The following PLPBP variants were observed in gnomAD, a reference collection of about 807,000 sequenced individuals.
PLPBP encodes the protein pyridoxal phosphate homeostasis protein.
Under a neutral mutation model 31.2 loss-of-function variants are expected in PLPBP, and 21 were observed. That is an observed-to-expected ratio of 0.67 (90% CI 0.48 to 0.97). The LOEUF is 0.97. Ranked by LOEUF, PLPBP falls within the 50% of genes least tolerant of loss-of-function variation. The probability of loss-of-function intolerance (pLI) is 0.00; values close to 1 mark genes in which losing one functional copy is unlikely to be tolerated. For missense variants in PLPBP, 308 were observed against 354.4 expected (o/e 0.87, Z 1.05); for synonymous variants, 124 against 135.6 (o/e 0.91, Z 0.59).
At chr8:37,762,822 G>A (rs1028895733) in intron 1 of PLPBP, 64 bp downstream of exon 1, 7 of 1,513,228 alleles carry the variant, frequency 4.6e-6, no homozygotes, top group African/African-American at 1.4e-5. Flanking sequence ...ACCTGCGTGG[G>A]AATGGGTCGT....
intron 7 of PLPBP, among the ~76,000 whole-genome samples, chr8:37,776,496 A>C (rs1278026470): frequency 4.0e-5 from 6 of 150,670 alleles, no homozygotes; most frequent in East Asian, 3.9e-4. Context: ...AAAAAAAAAA[A>C]AAAAAAACAA....
At chr8:37,773,658 G>T (rs554245675) in intron 5 of PLPBP, among the ~76,000 whole-genome samples, 1 of 151,452 alleles carries the variant, frequency 6.6e-6, no homozygotes, top group African/African-American at 2.4e-5. Flanking sequence ...TAGTAGAGAC[G>T]GAGTTTCGCC....
At chr8:37,773,617 C>A (rs558386646) in intron 5 of PLPBP, among the ~76,000 whole-genome samples, 1 of 152,002 alleles carries the variant, frequency 6.6e-6, no homozygotes, top group African/African-American at 2.4e-5. Context: ...TACAGGCACG[C>A]GCTACCACGC....
intron 4 of PLPBP, 150 bp downstream of exon 4, chr8:37,766,505 A>G: frequency 9.2e-6 from 12 of 1,308,038 alleles, no homozygotes; most frequent in Non-Finnish European, 1.2e-5. Flanking sequence ...CTTAATAAAA[A>G]GAGAAAACAT....
At chr8:37,775,231 T>C in intron 5 of PLPBP, 108 bp from the exon 6 acceptor site, 2 of 1,307,526 alleles carry the variant, frequency 1.5e-6, no homozygotes, top group Non-Finnish European at 2.1e-6. Flanking sequence ...TTCAAGAGGT[T>C]CTCTTGTTGG....
chr8:37,772,968 G>A, intron 5 of PLPBP, 79 bp downstream of exon 5: 2 of 1,550,048 alleles, frequency 1.3e-6, no homozygotes, highest in Non-Finnish European at 1.8e-6. Context: ...GGGCCCAAGT[G>A]TCTGATGGAT....
chr8:37,765,855 T>C (rs959435519), intron 3 of PLPBP, 109 bp downstream of exon 3: 1 of 1,175,706 alleles, frequency 8.5e-7, no homozygotes, highest in Non-Finnish European at 1.2e-6. Flanking sequence ...GGTGGTTGAC[T>C]TTAGATTGGG....
In PLPBP at chr8:37,775,335, G is replaced by A; in HGVS notation, c.455-4G>A. ...ATACCTGTTTTCTGTTTCTTTTCTT[G>A]AAGGTAAACATGGCCTTCCACCTTC... is the stretch of plus-strand genomic sequence containing the variant. On this transcript the variant is annotated splice_region_variant and splice_polypyrimidine_tract_variant and intron_variant, in intron 5 of 7. Transcript: ENST00000328195. The A allele has an allele frequency of 6.2e-7, 1 of 1,614,134 alleles. No homozygotes were observed. Among genetic ancestry groups the A allele is most frequent in the East Asian group, 2.2e-5 (1 of 44,880 alleles).
intron 5 of PLPBP, chr8:37,774,881 T>A (rs940522623): frequency 6.5e-6 from 1 of 154,088 alleles, no homozygotes; most frequent in Admixed American, 6.4e-5. Context: ...ATTAGAAAGT[T>A]CAGTTAAACT....
chr8:37,771,385 C>A (rs1189843702), intron 4 of PLPBP, among the ~76,000 whole-genome samples: 2 of 152,090 alleles, frequency 1.3e-5, no homozygotes, highest in African/African-American at 4.8e-5. Context: ...AGTGATTCGA[C>A]CACCTCGGCC....
chr8:37,770,961 C>G (rs1355132028), intron 4 of PLPBP, among the ~76,000 whole-genome samples: 1 of 152,092 alleles, frequency 6.6e-6, no homozygotes, highest in Admixed American at 6.6e-5. Flanking sequence ...CCTAACAGAA[C>G]TGTTGTTTTA....
At chr8:37,776,478 CAAAAAAA>C (rs915875297) in intron 7 of PLPBP, among the ~76,000 whole-genome samples, 28 of 10,630 alleles carry the variant, frequency 2.6e-3, no homozygotes, top group African/African-American at 9.5e-3. Flanking sequence ...GACTCCATCT[CAAAAAAA>C]AAAAAAAAAA....
intron 4 of PLPBP, among the ~76,000 whole-genome samples, chr8:37,769,551 A>C (rs374197763): frequency 5.9e-5 from 9 of 152,258 alleles, no homozygotes; most frequent in African/African-American, 2.2e-4. Flanking sequence ...AAACTGGGGC[A>C]ATTTATAAGG....
At chr8:37,777,885 G>A in intron 7 of PLPBP, 88 bp from the exon 8 acceptor site, 3 of 1,445,586 alleles carry the variant, frequency 2.1e-6, no homozygotes, top group Non-Finnish European at 2.8e-6. Context: ...GAAGGCTCTT[G>A]AGAGCCAGAA....
intron 4 of PLPBP, 135 bp from the exon 5 acceptor site, chr8:37,772,620 T>A: frequency 9.4e-7 from 1 of 1,059,170 alleles, no homozygotes; most frequent in South Asian, 1.5e-5. Context: ...ATTTGTCTTC[T>A]CAGAGGAACT....
chr8:37,765,317 A>T (rs1335996515), intron 1 of PLPBP, among the ~76,000 whole-genome samples: 1 of 152,254 alleles, frequency 6.6e-6, no homozygotes, highest in African/African-American at 2.4e-5. Context: ...GCTAACATTG[A>T]TGCATAGATT....
At chr8:37,776,089 A>G (rs1234747850) in intron 7 of PLPBP, 73 bp downstream of exon 7, 1 of 1,399,640 alleles carries the variant, frequency 7.1e-7, no homozygotes, top group East Asian at 2.3e-5. Context: ...ACACAAGAGC[A>G]GATCTTTGCT....
chr8:37,766,858 A>T (rs2129778922), intron 4 of PLPBP: 1 of 163,308 alleles, frequency 6.1e-6, no homozygotes, highest in Non-Finnish European at 1.3e-5. Flanking sequence ...AGCCTGGCCA[A>T]CATGGTGAAA....
intron 1 of PLPBP, 23 bp from the exon 2 acceptor site, chr8:37,765,501 CAT>C: frequency 1.2e-6 from 2 of 1,600,508 alleles, no homozygotes; most frequent in African/African-American, 2.7e-5. Context: ...AACATTCACT[CAT>C]ATGGCTCTTT....
Sources: allele counts gnomAD v4.1 joint callset (sites outside exome capture counted in the v4.1 genomes callset), GRCh38; gene constraint gnomAD v4.1.1; transcripts MANE v1.5; gene names NCBI Gene and HGNC (gene_info 2026-07-23, HGNC 2026-07-21).